DISC1: variants seen among roughly 807,000 people sequenced by gnomAD.
DISC1 encodes DISC1 scaffold protein, also known as disrupted in schizophrenia 1 protein.
In DISC1, 57 loss-of-function variants were observed where a neutral mutation model predicts 84.5. The ratio of observed to expected loss-of-function variants is 0.67; its 90% CI spans 0.55 to 0.84. The LOEUF (loss-of-function observed/expected upper bound fraction) is 0.84, where lower values mean the gene tolerates loss of function less well. Ranked by LOEUF, DISC1 falls within the 40% of genes least tolerant of loss-of-function variation. DISC1 has a pLI of 0.00. For missense variants in DISC1, 1,000 were observed against 1,057.8 expected, an observed-to-expected ratio of 0.95 and a Z score of 0.76; for synonymous variants, 411 against 415.2, an observed-to-expected ratio of 0.99 and a Z score of 0.12.
chr1:231,750,497 T>C (rs897060175), intron 4 of DISC1: 1 of 996,604 alleles, frequency 1.0e-6, no homozygotes, highest in Non-Finnish European at 1.2e-6. Flanking sequence ...GCCCTCCAGC[T>C]CCTGAGCAAC....
chr1:231,749,816 G>A, intron 3 of DISC1, 110 bp from the exon 4 acceptor site: 1 of 1,429,640 alleles, frequency 7.0e-7, no homozygotes, highest in South Asian at 1.2e-5. Flanking sequence ...ACCTTGTCAT[G>A]ATGTCATTAA....
intron 9 of DISC1, among the ~76,000 whole-genome samples, chr1:231,932,956 C>T (rs902766798): frequency 2.6e-5 from 4 of 152,158 alleles, no homozygotes; most frequent in African/African-American, 9.7e-5. Context: ...CCAATTTATA[C>T]TCCTAATAAA....
intron 6 of DISC1, 25 bp from the exon 7 acceptor site, chr1:231,795,217 A>G: frequency 6.2e-7 from 1 of 1,611,188 alleles, no homozygotes; most frequent in Non-Finnish European, 8.5e-7. Flanking sequence ...CAAGAAGACC[A>G]ATCTCCTCTT....
intron 1 of DISC1, among the ~76,000 whole-genome samples, chr1:231,669,386 A>G (rs1166142362): frequency 6.6e-6 from 1 of 152,222 alleles, no homozygotes; most frequent in East Asian, 1.9e-4. Context: ...GATCTAATTA[A>G]ACTTAAGAGC....
intron 1 of DISC1, among the ~76,000 whole-genome samples, chr1:231,678,878 G>A (rs553609393): frequency 4.3e-4 from 66 of 152,162 alleles, no homozygotes; most frequent in South Asian, 2.9e-3. Flanking sequence ...GGGTTTCACC[G>A]TGTTAGCCAG....
rs141357859 is a variant in DISC1 at position 232,021,285 on chromosome 1, A to G, written c.2308-5150A>G. Among the ~76,000 whole-genome samples the G allele has an allele frequency of 1.4e-4, 21 of 151,266 alleles. No homozygotes were observed. The East Asian group carries it at 4.1e-3, about 30-fold the overall frequency. On this transcript the variant is annotated intron_variant, in intron 11 of 12. Transcript: ENST00000439617. ...TCAGATATGTTGGACTCACTGTGGT[A>G]TGTCTTCCTGCGGAATTTTCTAGGA... is the stretch of plus-strand genomic sequence containing the variant.
At chr1:231,702,627 G>A in intron 3 of DISC1, 4 of 982,932 alleles carry the variant, frequency 4.1e-6, no homozygotes, top group Non-Finnish European at 4.8e-6. Flanking sequence ...ACTGATCTGA[G>A]GCCAGGAAAA....
intron 7 of DISC1, 146 bp downstream of exon 7, chr1:231,795,442 A>G: frequency 1.4e-6 from 1 of 692,684 alleles, no homozygotes; most frequent in Admixed American, 2.3e-5. Context: ...ATGATGAGTT[A>G]AAAGAGCCAG....
At chr1:231,930,451 C>T (rs973484539) in intron 9 of DISC1, among the ~76,000 whole-genome samples, 1 of 152,138 alleles carries the variant, frequency 6.6e-6, no homozygotes, top group Non-Finnish European at 1.5e-5. Flanking sequence ...GAGGTGGCTG[C>T]CATCATTTTT....
At chr1:231,742,781 A>AT (rs1189970854) in intron 3 of DISC1, among the ~76,000 whole-genome samples, 3 of 138,252 alleles carry the variant, frequency 2.2e-5, no homozygotes, top group African/African-American at 8.6e-5. Context: ...GTGGTGGCAC[A>AT]TGCCAGTAGT....
At chr1:231,982,755 G>A (rs555290728) in intron 10 of DISC1, among the ~76,000 whole-genome samples, 3 of 152,168 alleles carry the variant, frequency 2.0e-5, no homozygotes, top group South Asian at 2.1e-4. Flanking sequence ...AAACAAATAC[G>A]CAAAGATAAG....
At chr1:231,782,004 C>CTGAT (rs2077462937) in intron 6 of DISC1, among the ~76,000 whole-genome samples, 2 of 152,210 alleles carry the variant, frequency 1.3e-5, no homozygotes. Context: ...CTACCCTGTG[C>CTGAT]TGATAGCTAG....
chr1:231,880,763 G>T (rs1247534957), intron 9 of DISC1, among the ~76,000 whole-genome samples: 2 of 152,062 alleles, frequency 1.3e-5, no homozygotes, highest in Non-Finnish European at 2.9e-5. Context: ...AGGTGGGGGG[G>T]GGGTGAAATC....
At chr1:231,681,161 A>G (rs968524819) in intron 1 of DISC1, among the ~76,000 whole-genome samples, 17 of 152,160 alleles carry the variant, frequency 1.1e-4, no homozygotes, top group African/African-American at 3.9e-4. Context: ...GAAAAAGACA[A>G]TCGTTTAGGA....
At chr1:231,911,204 T>G (rs2089168556) in intron 9 of DISC1, among the ~76,000 whole-genome samples, 1 of 152,238 alleles carries the variant, frequency 6.6e-6, no homozygotes, top group Non-Finnish European at 1.5e-5. Context: ...ATATGTCAAT[T>G]TGATCCTGTC....
Position 231,850,199 on chromosome 1 carries a change from G to A in DISC1, c.1981+31682G>A, listed in dbSNP as rs112111087. Among the ~76,000 whole-genome samples the A allele has an allele frequency of 1.1e-4, 17 of 152,344 alleles. 1 individual carries two copies. Among genetic ancestry groups the A allele is most frequent in the African/African-American group, 3.8e-4 (16 of 41,576 alleles). ...ACAAGGAACAGAGGAGGGTGGAGGG[G>A]TCCCTGGATGATGGGGGTGCCTTCC... On this transcript the variant is annotated intron_variant, in intron 9 of 12. Transcript: ENST00000439617.
intron 2 of DISC1, among the ~76,000 whole-genome samples, chr1:231,696,340 C>A (rs573956332): frequency 6.6e-6 from 1 of 152,298 alleles, no homozygotes; most frequent in East Asian, 1.9e-4. Context: ...CAGACAGGGC[C>A]TGGCATCTAG....
At chr1:231,680,349 T>G (rs796496278) in intron 1 of DISC1, among the ~76,000 whole-genome samples, 10 of 152,332 alleles carry the variant, frequency 6.6e-5, no homozygotes, top group African/African-American at 2.4e-4. Context: ...CAACTGTATT[T>G]TATTATAAAT....
intron 9 of DISC1, among the ~76,000 whole-genome samples, chr1:231,907,380 T>C (rs1405335339): frequency 6.7e-6 from 1 of 149,788 alleles, no homozygotes; most frequent in African/African-American, 2.4e-5. Flanking sequence ...AGTGTTCTCA[T>C]TGTTCAATTC....
Sources: gnomAD v4.1 joint callset for allele counts (sites outside exome capture counted in the v4.1 genomes callset) on GRCh38, gnomAD v4.1.1 for gene constraint, MANE v1.5 for transcripts, NCBI Gene and HGNC (gene_info 2026-07-23, HGNC 2026-07-21) for gene names.